Variants in EPHX4 observed in about 807,000 individuals in gnomAD.
The protein encoded by EPHX4 is epoxide hydrolase 4.
In EPHX4, 31 loss-of-function variants were observed where a neutral mutation model predicts 44.9. The observed-to-expected ratio is 0.69, with a 90% CI of 0.52 to 0.93. EPHX4 has a LOEUF of 0.93. EPHX4 is among the 40% of genes least tolerant of loss of function. EPHX4 has a pLI of 0.00. For missense variants in EPHX4, 373 were observed against 438.1 expected, an observed-to-expected ratio of 0.85 and a Z score of 1.33; for synonymous variants, 151 against 159.7, an observed-to-expected ratio of 0.95 and a Z score of 0.41.
chr1:92,051,630 AG>A (rs1184592201), intron 5 of EPHX4, among the ~76,000 whole-genome samples: 1 of 152,114 alleles, frequency 6.6e-6, no homozygotes, highest in Non-Finnish European at 1.5e-5. Flanking sequence ...TAATTTGAAA[AG>A]GATACTTAAT....
At chr1:92,043,005 C>T in intron 3 of EPHX4, 25 bp downstream of exon 3, 1 of 1,550,674 alleles carries the variant, frequency 6.4e-7, no homozygotes, top group Non-Finnish European at 8.8e-7. Flanking sequence ...AACAAAACAA[C>T]TCTTTTTAAG....
intron 2 of EPHX4, among the ~76,000 whole-genome samples, chr1:92,033,664 G>T (rs934984236): frequency 6.6e-6 from 1 of 152,162 alleles, no homozygotes; most frequent in African/African-American, 2.4e-5. Context: ...CCCCAAATAT[G>T]TAATTATTAG....
intron 2 of EPHX4, among the ~76,000 whole-genome samples, chr1:92,040,342 AT>A (rs11316919): frequency 0.87 from 104,988 of 121,042 alleles, 45,647 homozygotes; most frequent in East Asian, 0.99. Flanking sequence ...TACTTAGCAA[AT>A]TTTTTTTTTT....
chr1:92,058,365 TG>T, intron 6 of EPHX4, among the ~76,000 whole-genome samples: 1 of 150,470 alleles, frequency 6.6e-6, no homozygotes, highest in East Asian at 2.0e-4. Context: ...CAGTTGAACC[TG>T]GGAGGTGGAG....
At position 92,063,077 on chromosome 1, in the gene EPHX4, A is replaced by C; in HGVS notation, c.880A>C (p.Met294Leu). ...IFSCLPLKHH[M>L]VTTPTLLLWG... is the part of the protein sequence containing the mutation. ...TAGCTGCCTGCCTCTCAAACATCACATGGTGACCACTCCAACACTACTACT... is the reference window on the plus strand; with the variant it reads ...TAGCTGCCTGCCTCTCAAACATCACCTGGTGACCACTCCAACACTACTACT... Residue 294 changes from methionine (M) to leucine (L), a missense_variant, in exon 7 of 7, where the codon ATG becomes CTG. Met to Leu is a conservative substitution (Grantham distance 15). Transcript: ENST00000370383. The C allele has an allele frequency of 6.2e-7, 1 of 1,612,644 alleles. No homozygotes were observed.
chr1:92,050,399 G>A lies in EPHX4; in HGVS notation c.687G>A (p.Met229Ile). Residue 229 changes from methionine to isoleucine, a missense_variant, in exon 5 of 7, where the codon ATG becomes ATA. Transcript: ENST00000370383. ...FFQIPWFPEF[M>I]FSINDFKVLK... ...AAATACCATGGTTCCCAGAATTTATGTTCTCAATAAATGATTTCAAGGTAA... is the reference window on the plus strand; with the variant it reads ...AAATACCATGGTTCCCAGAATTTATATTCTCAATAAATGATTTCAAGGTAA... The A allele has an allele frequency of 1.9e-6, 3 of 1,592,036 alleles. No homozygotes were observed. Among genetic ancestry groups the A allele is most frequent in the Non-Finnish European group, 2.6e-6 (3 of 1,165,342 alleles).
intron 2 of EPHX4, among the ~76,000 whole-genome samples, chr1:92,039,531 A>G (rs974875876): frequency 7.9e-5 from 12 of 152,254 alleles, no homozygotes; most frequent in African/African-American, 2.4e-4. Flanking sequence ...AAAAAATACA[A>G]TCACATGTGT....
Position 92,044,841 on chromosome 1 carries a change from T to C in EPHX4, c.476-691T>C, listed in dbSNP as rs563063225. ...TCAAAAAAAAACCAAATAATCTTAC[T>C]TTTGACTTCATTATGTGCAGTCTTT... On this transcript the variant is annotated intron_variant, in intron 3 of 6. Transcript: ENST00000370383. Among the ~76,000 whole-genome samples, 4 of 152,348 alleles carry C rather than the reference T, an allele frequency of 2.6e-5. No homozygotes were observed. The South Asian group carries it at 8.3e-4, about 32-fold the overall frequency.
At position 92,042,699 on chromosome 1, in the gene EPHX4, T is replaced by G. The variant is rs1213764115; in HGVS notation, c.318-124T>G. 8.1e-6 allele frequency: 7 copies of G among 866,768 alleles called. No homozygotes were observed. The African/African-American group carries it at 1.4e-4, about 17-fold the overall frequency. 53.7% of individuals were successfully genotyped at this position (866,768 alleles called of 1,614,324 possible). On this transcript the variant is annotated intron_variant, in intron 2 of 6. Coordinates refer to ENST00000370383, the MANE Select transcript of EPHX4 (RefSeq NM_173567.5). ...GTGATTGCACCACTGCACTCCAGCC[T>G]GGGTGACAGAGCAAAACTCTGTCTC...
intron 3 of EPHX4, among the ~76,000 whole-genome samples, chr1:92,044,134 G>A (rs1688550908): frequency 6.6e-6 from 1 of 152,160 alleles, no homozygotes; most frequent in Non-Finnish European, 1.5e-5. Flanking sequence ...AATATAGTGA[G>A]AAATACCATG....
At chr1:92,047,565 C>T (rs1172073179) in intron 4 of EPHX4, among the ~76,000 whole-genome samples, 1 of 152,144 alleles carries the variant, frequency 6.6e-6, no homozygotes, top group African/African-American at 2.4e-5. Context: ...ACTCAAAGGT[C>T]AAGTTTAATT....
chr1:92,041,787 T>A (rs1019107587), intron 2 of EPHX4, among the ~76,000 whole-genome samples: 2 of 152,204 alleles, frequency 1.3e-5, no homozygotes, highest in African/African-American at 2.4e-5. Flanking sequence ...ACACCTGTAA[T>A]CCCAGCACTT....
chr1:92,045,699 G>T, intron 4 of EPHX4, 39 bp downstream of exon 4: 2 of 1,610,286 alleles, frequency 1.2e-6, no homozygotes, highest in South Asian at 2.2e-5. Context: ...CTGCTAATGT[G>T]ACAATTCACT....
At chr1:92,035,200 G>A (rs1264183684) in intron 2 of EPHX4, among the ~76,000 whole-genome samples, 1 of 152,088 alleles carries the variant, frequency 6.6e-6, no homozygotes, top group African/African-American at 2.4e-5. Flanking sequence ...TCTTTCATTT[G>A]GAGACAGCTT....
chr1:92,036,922 G>A (rs937249547), intron 2 of EPHX4, among the ~76,000 whole-genome samples: 1 of 151,566 alleles, frequency 6.6e-6, no homozygotes, highest in Non-Finnish European at 1.5e-5. Flanking sequence ...CCCATTATGA[G>A]GTCTAGTCAA....
At chr1:92,030,798 G>C (rs1327186834) in intron 1 of EPHX4, among the ~76,000 whole-genome samples, 2 of 152,136 alleles carry the variant, frequency 1.3e-5, no homozygotes, top group Non-Finnish European at 2.9e-5. Flanking sequence ...TGGGAGTCAT[G>C]AGTTTATTAT....
intron 1 of EPHX4, among the ~76,000 whole-genome samples, 173 bp downstream of exon 1, chr1:92,030,483 T>TGTGTGTGTGTGTGTGAGA (rs745435867): frequency 7.2e-6 from 1 of 138,658 alleles, no homozygotes; most frequent in African/African-American, 2.7e-5. Flanking sequence ...TGTGTGTGTG[T>TGTGTGTGTGTGTGTGAGA]GTGAGAGAGA....
chr1:92,045,519 T>G lies in EPHX4; in HGVS notation c.476-13T>G, dbSNP rs780655037. On this transcript the variant is annotated splice_polypyrimidine_tract_variant and intron_variant, in intron 3 of 6. Transcript: ENST00000370383. ...TCTTTTTAATGATGTCAACATTTATTTCTTGTTTACAGGGTATAGCAAATG... is the reference window on the plus strand; with the variant it reads ...TCTTTTTAATGATGTCAACATTTATGTCTTGTTTACAGGGTATAGCAAATG... 4 of 1,612,980 alleles carry G rather than the reference T, an allele frequency of 2.5e-6. No individual in the cohort carries two copies. The highest frequency in any genetic ancestry group is 3.4e-6 in the Non-Finnish European group (4 of 1,179,776).
Position 92,030,245 on chromosome 1 carries a change from C to A in EPHX4, c.166C>A (p.Arg56=), listed in dbSNP as rs769052940. 6.2e-7 allele frequency: 1 copy of A among 1,603,276 alleles called. No homozygotes were observed. Among genetic ancestry groups the A allele is most frequent in the East Asian group, 2.3e-5 (1 of 44,378 alleles). The change falls in exon 1 of 7, where the codon CGG becomes AGG. Residue 56 remains arginine (R), a synonymous_variant. Transcript: ENST00000370383. ...GGCGCAGACCTTCCGGCGGCCCGCCCGGGAGCACCCTCCCGCGTGCCTGAG... is the reference window on the plus strand; with the variant it reads ...GGCGCAGACCTTCCGGCGGCCCGCCAGGGAGCACCCTCCCGCGTGCCTGAG... ...GPAQTFRRPA[R]EHPPACLSDP... is the part of the protein sequence containing the mutation.
Sources: allele counts gnomAD v4.1 joint callset (sites outside exome capture counted in the v4.1 genomes callset), GRCh38; gene constraint gnomAD v4.1.1; transcripts MANE v1.5; gene names NCBI Gene and HGNC (gene_info 2026-07-23, HGNC 2026-07-21).